HHLA1: variants seen among roughly 807,000 people sequenced by gnomAD.
HHLA1 encodes the protein HERV-H LTR-associating protein 1.
A neutral mutation model predicts 69.9 loss-of-function variants in HHLA1; 72 were observed. The observed-to-expected ratio is 1.03, with a 90% CI of 0.85 to 1.25. The LOEUF is 1.25. Among genes scored for constraint, HHLA1 ranks in the 50% most tolerant of loss-of-function variants. The pLI, the probability that HHLA1 is intolerant of heterozygous loss-of-function variation, is 0.00. For missense variants in HHLA1, 685 were observed against 642.2 expected (o/e 1.07, Z -0.72); for synonymous variants, 252 against 233.2 (o/e 1.08, Z -0.73).
rs552632148 is a variant in HHLA1 at position 132,072,546 on chromosome 8, T to C, written c.1316-1053A>G. 7.9e-5 allele frequency among the ~76,000 whole-genome samples: 12 copies of C among 152,306 alleles called. No individual in the cohort carries two copies. In the South Asian group the frequency reaches 2.5e-3, roughly 32 times the overall value. On this transcript the variant is annotated intron_variant, in intron 14 of 16. Transcript: ENST00000414222. Reference sequence around the variant, plus strand: ...AAAAGGGCCTTCCTCTCACAGAGCTTACTTTCTAGGGACTGGAAGGTTATA... The same window carrying C: ...AAAAGGGCCTTCCTCTCACAGAGCTCACTTTCTAGGGACTGGAAGGTTATA...
rs1392844932 is a variant in HHLA1 at position 132,104,180 on chromosome 8, A to C, written c.80-13T>G. ...TTGATGCCAGACACTAAAGTAAAAA[A>C]GGTTTAATCACAGAAATTATAACCA... is the stretch of plus-strand genomic sequence containing the variant. On this transcript the variant is annotated splice_polypyrimidine_tract_variant and intron_variant, in intron 2 of 16. Coordinates refer to ENST00000414222, the MANE Select transcript of HHLA1 (RefSeq NM_001145095.3). 3.9e-6 allele frequency: 6 copies of C among 1,541,568 alleles called. No individual in the cohort carries two copies. The Admixed American group carries it at 5.9e-5, about 15-fold the overall frequency.
rs549097044 is a variant in HHLA1, at chr8:132,079,890, G to A, written c.753C>T (p.Pro251=). 33 of 1,552,186 alleles carry A rather than the reference G, an allele frequency of 2.1e-5. No homozygotes were observed. Among genetic ancestry groups the A allele is most frequent in the South Asian group, 9.5e-5 (8 of 84,054 alleles). The change falls in exon 11 of 17, where the codon CCC becomes CCT. Residue 251 remains proline (P), a synonymous_variant. Coordinates refer to ENST00000414222, the MANE Select transcript of HHLA1 (RefSeq NM_001145095.3). Reference sequence around the variant, plus strand: ...AGGGTGTGCTCTGGGTCCAGTGTCCGGGGCTTGTACTTGGTAGTGTTTTCT... The same window carrying A: ...AGGGTGTGCTCTGGGTCCAGTGTCCAGGGCTTGTACTTGGTAGTGTTTTCT... ...KSQKTLPSTS[P]GHWTQSTPWA...
At chr8:132,096,869 G>T (rs1055375467) in intron 5 of HHLA1, among the ~76,000 whole-genome samples, 2 of 152,098 alleles carry the variant, frequency 1.3e-5, no homozygotes, top group East Asian at 1.9e-4. Flanking sequence ...GAATGCAATC[G>T]TGCAGTCACA....
chr8:132,072,008 G>A (rs1237935067), intron 14 of HHLA1, among the ~76,000 whole-genome samples: 1 of 152,144 alleles, frequency 6.6e-6, no homozygotes, highest in African/African-American at 2.4e-5. Context: ...GTATGCACGT[G>A]CATGTGTATG....
chr8:132,078,048 T>C (rs1823677777), intron 11 of HHLA1, 77 bp from the exon 12 acceptor site: 16 of 1,486,780 alleles, frequency 1.1e-5, no homozygotes, highest in African/African-American at 1.4e-5. Flanking sequence ...TGCTGAGACA[T>C]TGAAACGTTA....
chr8:132,069,972 C>T (rs1188192052), intron 15 of HHLA1: 2 of 136,944 alleles, frequency 1.5e-5, no homozygotes, highest in East Asian at 1.8e-4. Flanking sequence ...ACAGGTCTTG[C>T]TTATTGCCCT....
intron 4 of HHLA1, among the ~76,000 whole-genome samples, chr8:132,099,239 C>T (rs561725221): frequency 1.2e-4 from 19 of 152,300 alleles, no homozygotes; most frequent in African/African-American, 4.3e-4. Flanking sequence ...TTTGGAGAGA[C>T]TCGGGACTCA....
At chr8:132,096,016 C>A (rs532486967) in intron 5 of HHLA1, among the ~76,000 whole-genome samples, 480 of 152,304 alleles carry the variant, frequency 3.2e-3, no homozygotes, top group Non-Finnish European at 5.4e-3. Flanking sequence ...CATCCTCAAG[C>A]TGTGGCAACT....
chr8:132,075,780 A>T (rs112706583), intron 14 of HHLA1, among the ~76,000 whole-genome samples: 2,545 of 152,298 alleles, frequency 0.017, 74 homozygotes, highest in African/African-American at 0.059. Context: ...TTCCACAAAC[A>T]TTATCTTACT....
rs1239101728 is a variant in HHLA1 at position 132,063,235 on chromosome 8, TC to T, written c.*759del. ...TCACATTTGCTGCTTTTCATCTGCA[TC>T]CTTTTGTTGTAATAAATGCTAAATG... On this transcript the variant is annotated 3_prime_UTR_variant, in exon 17 of 17. Coordinates refer to ENST00000414222, the MANE Select transcript of HHLA1 (RefSeq NM_001145095.3). 1 of 152,238 alleles carries T rather than the reference TC, an allele frequency of 6.6e-6. No homozygotes were observed. The highest frequency in any genetic ancestry group is 2.4e-5 in the African/African-American group (1 of 41,458). The allele number at this position is 152,238 out of a possible 1,614,324, so 9.4% of individuals were successfully genotyped here.
At chr8:132,105,422 A>C in intron 1 of HHLA1, 136 bp from the exon 2 acceptor site, 3 of 643,546 alleles carry the variant, frequency 4.7e-6, no homozygotes. Context: ...TTAGGAAGCT[A>C]AGGTAACAAA....
chr8:132,079,951 C>T lies in HHLA1; in HGVS notation c.692G>A (p.Gly231Glu), dbSNP rs866896995. The T allele has an allele frequency of 7.2e-5, 111 of 1,552,090 alleles. No homozygotes were observed. The East Asian group carries it at 2.0e-3, about 27-fold the overall frequency. Residue 231 changes from glycine to glutamate, a missense_variant, in exon 11 of 17, where the codon GGA becomes GAA. By Grantham distance (98) the Gly-to-Glu change is moderately conservative. Coordinates refer to ENST00000414222, the MANE Select transcript of HHLA1 (RefSeq NM_001145095.3). Reference protein sequence around the residue: ...LSGVLGAATRGTARTSKPTTK... With the variant: ...LSGVLGAATRETARTSKPTTK... Reference sequence around the variant, plus strand: ...TGTGGGCTTTGAAGTCCTGGCAGTTCCCCTGGTAGCTGCACCTTCAGGGAG... The same window carrying T: ...TGTGGGCTTTGAAGTCCTGGCAGTTTCCCTGGTAGCTGCACCTTCAGGGAG...
In HHLA1 at chr8:132,095,564, T is replaced by C. The variant is rs966524145; in HGVS notation, c.403A>G (p.Thr135Ala). 4 of 1,550,398 alleles carry C rather than the reference T, an allele frequency of 2.6e-6. No individual in the cohort carries two copies. In the African/African-American group the frequency reaches 4.1e-5, roughly 16 times the overall value. ...LKTVDPAKFPTRYCYCLNNRT... is the reference protein window; with the variant it reads ...LKTVDPAKFPARYCYCLNNRT... ...TTGTTTAAACAGTAGCAATACCTTG[T>C]GGGGAATTTGGCGGGGTCTACTGTC... Residue 135 changes from threonine to alanine, a missense_variant, in exon 7 of 17, where the codon ACA becomes GCA. Transcript: ENST00000414222.
intron 11 of HHLA1, among the ~76,000 whole-genome samples, chr8:132,079,268 GACCTA>G (rs1376369427): frequency 1.3e-5 from 2 of 152,190 alleles, no homozygotes; most frequent in South Asian, 2.1e-4. Flanking sequence ...GCTACAGACT[GACCTA>G]ACCATGCCAT....
intron 1 of HHLA1, among the ~76,000 whole-genome samples, chr8:132,108,097 A>T (rs554541848): frequency 6.6e-6 from 1 of 152,224 alleles, no homozygotes; most frequent in South Asian, 2.1e-4. Flanking sequence ...ACAAGCACAG[A>T]CCCTGGAGTT....
intron 3 of HHLA1, chr8:132,101,072 A>G: frequency 7.9e-7 from 1 of 1,273,314 alleles, no homozygotes; most frequent in Non-Finnish European, 1.0e-6. Flanking sequence ...CTAGTATCAC[A>G]TGTAACATGA....
chr8:132,104,217 C>G lies in HHLA1; in HGVS notation c.80-50G>C, dbSNP rs746454208. 4 of 1,328,166 alleles carry G rather than the reference C, an allele frequency of 3.0e-6. No individual in the cohort carries two copies. The East Asian group carries it at 1.0e-4, about 33-fold the overall frequency. 82.3% of individuals were successfully genotyped at this position (1,328,166 alleles called of 1,614,324 possible). A position where few individuals can be genotyped will look rare whatever the true frequency, so the allele number is the denominator to read the frequency against. ...AGAAATTATAACCAAGACATAATACCGGAGATAATTTGATTCAACATACCC... is the reference window on the plus strand; with the variant it reads ...AGAAATTATAACCAAGACATAATACGGGAGATAATTTGATTCAACATACCC... On this transcript the variant is annotated intron_variant, in intron 2 of 16. Transcript: ENST00000414222.
At chr8:132,086,254 C>A (rs974359052) in intron 10 of HHLA1, among the ~76,000 whole-genome samples, 2 of 152,076 alleles carry the variant, frequency 1.3e-5, no homozygotes, top group Non-Finnish European at 2.9e-5. Context: ...CCATAGAGTC[C>A]CGTTGGGAAG....
chr8:132,103,454 A>G (rs1423110298), intron 3 of HHLA1, among the ~76,000 whole-genome samples: 1 of 152,126 alleles, frequency 6.6e-6, no homozygotes, highest in Admixed American at 6.6e-5. Context: ...CCTGTTTCTA[A>G]CAAAAGTACA....
Sources: gnomAD v4.1 joint callset for allele counts (sites outside exome capture counted in the v4.1 genomes callset) on GRCh38, gnomAD v4.1.1 for gene constraint, MANE v1.5 for transcripts, NCBI Gene and HGNC (gene_info 2026-07-23, HGNC 2026-07-21) for gene names.